ZNF469: variants seen among roughly 807,000 people sequenced by gnomAD.
The protein encoded by ZNF469 is zinc finger protein 469.
Under a neutral mutation model 1.0 loss-of-function variants are expected in ZNF469, and 1 was observed. The ratio of observed to expected loss-of-function variants is 1.00; its 90% CI spans 0.35 to 4.73. The LOEUF (loss-of-function observed/expected upper bound fraction) is 4.73, where lower values mean the gene tolerates loss of function less well. ZNF469 is among the 30% of genes most tolerant of loss of function. The pLI is 0.16. For synonymous variants in ZNF469, 2,703 were observed against 2,363.4 expected, an observed-to-expected ratio of 1.14 and a Z score of -4.17; for missense variants, 6,100 against 5,356.3, an observed-to-expected ratio of 1.14 and a Z score of -4.33.
At chr16:88,143,443 G>A in the ZNF469 span, among the ~76,000 whole-genome samples, 2 of 152,200 alleles carry the variant, frequency 1.3e-5, no homozygotes. Context: ...TTGTTGCTGG[G>A]GGGATACAGA....
chr16:88,364,677 G>C, the ZNF469 span, among the ~76,000 whole-genome samples: 2 of 152,222 alleles, frequency 1.3e-5, no homozygotes, highest in South Asian at 2.1e-4. Context: ...TAAAAGTCTT[G>C]TATAGACTGG....
chr16:88,119,740 C>T, the ZNF469 span, among the ~76,000 whole-genome samples: 2 of 152,328 alleles, frequency 1.3e-5, no homozygotes, highest in African/African-American at 4.8e-5. Flanking sequence ...TCTCCTGGTT[C>T]TCCGCTGGGA....
At chr16:88,271,700 G>C in the ZNF469 span, among the ~76,000 whole-genome samples, 1 of 151,208 alleles carries the variant, frequency 6.6e-6, no homozygotes, top group African/African-American at 2.4e-5. Flanking sequence ...ACCACAGCAG[G>C]CAGGTCCAAT....
At chr16:88,309,834 G>A in the ZNF469 span, among the ~76,000 whole-genome samples, 5,130 of 152,266 alleles carry the variant, frequency 0.034, 116 homozygotes, top group Non-Finnish European at 0.051. Context: ...CTGTCCCTGG[G>A]ATCAAAATAA....
chr16:88,372,115 A>C, the ZNF469 span, among the ~76,000 whole-genome samples: 11 of 45,858 alleles, frequency 2.4e-4, no homozygotes, highest in Admixed American at 6.5e-4. Context: ...CACCATCACC[A>C]CCATCATCAC....
At chr16:88,292,900 C>A in the ZNF469 span, among the ~76,000 whole-genome samples, 1 of 152,046 alleles carries the variant, frequency 6.6e-6, no homozygotes, top group East Asian at 1.9e-4. Flanking sequence ...GACACTGGTC[C>A]GCTAGACAGT....
chr16:88,305,295 C>T, the ZNF469 span, among the ~76,000 whole-genome samples: 11 of 140,428 alleles, frequency 7.8e-5, no homozygotes, highest in Admixed American at 3.0e-4. Flanking sequence ...CACACACACA[C>T]GCACACCCTC....
the ZNF469 span, among the ~76,000 whole-genome samples, chr16:88,374,071 G>A: frequency 6.6e-6 from 1 of 152,076 alleles, no homozygotes; most frequent in African/African-American, 2.4e-5. Context: ...TGAACGTAGT[G>A]TGTGGTGAGG....
At chr16:88,325,230 G>GT in the ZNF469 span, among the ~76,000 whole-genome samples, 81 of 145,110 alleles carry the variant, frequency 5.6e-4, no homozygotes, top group African/African-American at 2.1e-3. Flanking sequence ...CATACACAGG[G>GT]CCTCAAGTCC....
chr16:88,146,484 G>C, the ZNF469 span, among the ~76,000 whole-genome samples: 11 of 152,150 alleles, frequency 7.2e-5, no homozygotes, highest in Admixed American at 4.6e-4. Context: ...CAGAGCTAAG[G>C]TGAGGCCCGG....
the ZNF469 span, among the ~76,000 whole-genome samples, chr16:88,245,486 C>A: frequency 6.6e-6 from 1 of 152,380 alleles, no homozygotes; most frequent in South Asian, 2.1e-4. Context: ...TCATCTCCCT[C>A]TGTGGGTCCT....
intron 1 of ZNF469, among the ~76,000 whole-genome samples, chr16:88,404,671 C>A (rs747196234): frequency 1.1e-4 from 17 of 152,098 alleles, no homozygotes; most frequent in Non-Finnish European, 2.2e-4. Context: ...TGGGGGCAGG[C>A]ACAGAGGGAT....
rs1003226456 is a variant in ZNF469, at chr16:88,428,614, G to A, written c.1144G>A (p.Glu382Lys). ...LHKSLTKILP[E>K]RPPSAQDGLG... ...CAAGAGCCTGACCAAAATCCTTCCCGAAAGACCACCTTCAGCCCAGGATGG... is the reference window on the plus strand; with the variant it reads ...CAAGAGCCTGACCAAAATCCTTCCCAAAAGACCACCTTCAGCCCAGGATGG... Residue 382 changes from glutamate (E) to lysine (K), a missense_variant, in exon 3 of 3, where the codon GAA becomes AAA. By Grantham distance (56) the Glu-to-Lys change is moderately conservative. Coordinates refer to ENST00000565624, the MANE Select transcript of ZNF469 (RefSeq NM_001367624.2). The A allele has an allele frequency of 2.5e-5, 38 of 1,550,096 alleles. No homozygotes were observed. In the African/African-American group the frequency reaches 2.6e-4, roughly 11 times the overall value.
the ZNF469 span, among the ~76,000 whole-genome samples, chr16:88,140,405 T>C: frequency 0.012 from 1,565 of 130,930 alleles, no homozygotes; most frequent in African/African-American, 0.061. Context: ...GACGGAGCCG[T>C]GTAGAAATCG....
the ZNF469 span, among the ~76,000 whole-genome samples, chr16:88,297,111 G>T: frequency 6.6e-6 from 1 of 152,218 alleles, no homozygotes; most frequent in Non-Finnish European, 1.5e-5. Flanking sequence ...AAACAGTGTC[G>T]CCACGCAGGG....
chr16:88,113,868 T>A, the ZNF469 span, among the ~76,000 whole-genome samples: 1 of 152,280 alleles, frequency 6.6e-6, no homozygotes, highest in East Asian at 1.9e-4. Flanking sequence ...GTCTAGTGCG[T>A]GGAGAAGCTC....
chr16:88,183,410 G>A, the ZNF469 span, among the ~76,000 whole-genome samples: 1 of 152,360 alleles, frequency 6.6e-6, no homozygotes, highest in South Asian at 2.1e-4. Flanking sequence ...GAACCCGTGA[G>A]CAACTGTGTA....
the ZNF469 span, among the ~76,000 whole-genome samples, chr16:88,313,341 T>C: frequency 1.3e-4 from 20 of 152,384 alleles, no homozygotes; most frequent in East Asian, 3.8e-3. Flanking sequence ...AAAATGGTGA[T>C]CATTTTCTCT....
chr16:88,139,083 G>T, the ZNF469 span, among the ~76,000 whole-genome samples: 3 of 152,234 alleles, frequency 2.0e-5, no homozygotes, highest in Non-Finnish European at 4.4e-5. Context: ...GACCGGGAAA[G>T]CTTTCAGGAC....
Sources: allele counts gnomAD v4.1 joint callset (sites outside exome capture counted in the v4.1 genomes callset), GRCh38; gene constraint gnomAD v4.1.1; transcripts MANE v1.5; gene names NCBI Gene and HGNC (gene_info 2026-07-23, HGNC 2026-07-21).